Variants in IKBKE observed in about 807,000 individuals in gnomAD.
IKBKE encodes inhibitor of nuclear factor kappa B kinase subunit epsilon.
IKBKE carries 45 observed loss-of-function variants against 92.1 expected under a neutral mutation model. That is an observed-to-expected ratio of 0.49 (90% CI 0.38 to 0.63). The LOEUF is 0.63. Ranked by LOEUF, IKBKE falls within the 20% of genes least tolerant of loss-of-function variation. The pLI, the probability that IKBKE is intolerant of heterozygous loss-of-function variation, is 0.00. For synonymous variants in IKBKE, 374 were observed against 380.3 expected (o/e 0.98, Z 0.19); for missense variants, 700 against 932.8 (o/e 0.75, Z 3.25).
Position 206,471,665 on chromosome 1 carries a change from C to A in IKBKE, c.-33+420C>A, listed in dbSNP as rs539839458. Among the ~76,000 whole-genome samples, 3 of 152,330 alleles carry A rather than the reference C, an allele frequency of 2.0e-5. No homozygotes were observed. The South Asian group carries it at 6.2e-4, about 32-fold the overall frequency. ...GCGGGGAAAACCAGACCCACTCATT[C>A]ATGCTGAGCTACTGTGTTGTCTTCA... On this transcript the variant is annotated intron_variant, in intron 2 of 21. Coordinates refer to ENST00000581977, the MANE Select transcript of IKBKE (RefSeq NM_014002.4).
chr1:206,492,649 C>T (rs751560934), intron 18 of IKBKE: 1 of 487,670 alleles, frequency 2.1e-6, no homozygotes, highest in Admixed American at 2.3e-5. Flanking sequence ...AGAATTCACA[C>T]TGGAAATGAG....
At chr1:206,492,564 C>T (rs1666005245) in intron 18 of IKBKE, 1 of 471,820 alleles carries the variant, frequency 2.1e-6, no homozygotes, top group Non-Finnish European at 4.4e-6. Context: ...GAGGGCTGAC[C>T]TCCAACCCCT....
At position 206,476,114 on chromosome 1, in the gene IKBKE, A is replaced by G. The variant is rs1443661284; in HGVS notation, c.359-67A>G. ...GGATGCAAGGACAGCCTTCCCACCA[A>G]GATGAGCCTCAGACACTAGACTGTC... On this transcript the variant is annotated intron_variant, in intron 5 of 21. Transcript: ENST00000581977. This position sits in a 1 kb window ranked among gnomAD's most constrained non-coding sequence, Gnocchi z 5.1. 2.7e-6 allele frequency: 4 copies of G among 1,507,368 alleles called. No homozygotes were observed. The Admixed American group carries it at 7.1e-5, about 27-fold the overall frequency. 93.4% of individuals were successfully genotyped at this position (1,507,368 alleles called of 1,614,324 possible).
At chr1:206,491,963 C>T (rs1452176753) in intron 18 of IKBKE, 19 of 458,648 alleles carry the variant, frequency 4.1e-5, no homozygotes, top group African/African-American at 3.2e-4. Context: ...CTGCCCTATA[C>T]AGTAGATATC....
intron 13 of IKBKE, 104 bp downstream of exon 13, chr1:206,480,637 T>G: frequency 2.3e-6 from 2 of 852,900 alleles, no homozygotes; most frequent in Non-Finnish European, 3.8e-6. Context: ...AAGCCAGGGC[T>G]ACTGCCTTCC....
chr1:206,493,932 C>T lies in IKBKE; in HGVS notation c.2058C>T (p.Leu686=). ...CTGCCTTGGGCAGCATGCAAGAGCT[C>T]TGCGAGGGGATGAAGCTGCTGGCAT... ...RKDLLLHMQE[L]CEGMKLLASD... Residue 686 remains leucine (L), a synonymous_variant, in exon 21 of 22, where the codon CTC becomes CTT. Coordinates refer to ENST00000581977, the MANE Select transcript of IKBKE (RefSeq NM_014002.4). 1 of 1,614,100 alleles carries T rather than the reference C, an allele frequency of 6.2e-7. No homozygotes were observed. Among genetic ancestry groups the T allele is most frequent in the South Asian group, 1.1e-5 (1 of 91,078 alleles).
intron 13 of IKBKE, among the ~76,000 whole-genome samples, chr1:206,482,502 G>A (rs1487439158): frequency 6.6e-6 from 1 of 152,260 alleles, no homozygotes; most frequent in African/African-American, 2.4e-5. Flanking sequence ...CTGTTCCCCT[G>A]TTCTGGCTCT....
intron 13 of IKBKE, among the ~76,000 whole-genome samples, chr1:206,481,805 A>T (rs1435707425): frequency 1.0e-5 from 1 of 97,162 alleles, no homozygotes; most frequent in Non-Finnish European, 1.9e-5. Flanking sequence ...TTTGAGACGG[A>T]GCCTCGCTCT....
chr1:206,482,681 G>A (rs1288066114), intron 13 of IKBKE, among the ~76,000 whole-genome samples: 1 of 152,246 alleles, frequency 6.6e-6, no homozygotes, highest in Non-Finnish European at 1.5e-5. Flanking sequence ...TAGTCTGGGT[G>A]TGGCTCCAGC....
rs1447034305 is a variant in IKBKE, at chr1:206,474,367, A to G, written c.124A>G (p.Thr42Ala). ...GELVAVKVFN[T>A]TSYLRPREVQ... The stretch of plus-strand genomic sequence containing the variant: ...GCTGGTTGCTGTGAAGGTCTTCAAC[A>G]CTACCAGCTACCTGCGGCCCCGCGA... Residue 42 changes from threonine to alanine, a missense_variant, in exon 4 of 22, where the codon ACT becomes GCT. Thr to Ala is a moderately conservative substitution (Grantham distance 58, BLOSUM62 0). Coordinates refer to ENST00000581977, the MANE Select transcript of IKBKE (RefSeq NM_014002.4). 1 of 1,614,014 alleles carries G rather than the reference A, an allele frequency of 6.2e-7. No homozygotes were observed.
intron 21 of IKBKE, 53 bp downstream of exon 21, chr1:206,494,044 G>C: frequency 6.6e-7 from 1 of 1,513,936 alleles, no homozygotes; most frequent in Non-Finnish European, 9.2e-7. Context: ...AGCTACCCTT[G>C]CCTGGGGGTG....
Position 206,485,069 on chromosome 1 carries a change from G to C in IKBKE, c.1500G>C (p.Arg500=), listed in dbSNP as rs1665581411. 1 of 1,613,710 alleles carries C rather than the reference G, an allele frequency of 6.2e-7. No homozygotes were observed. The highest frequency in any genetic ancestry group is 8.5e-7 in the Non-Finnish European group (1 of 1,179,590). The change falls in exon 14 of 22, where the codon CGG becomes CGC. Residue 500 remains arginine (R), a synonymous_variant. Transcript: ENST00000581977. This position sits in a 1 kb window ranked among gnomAD's most constrained non-coding sequence, Gnocchi z 5.0. ...KAAAELRSRL[R]TLAEVLSRCS... ...CTGCAGAACTGAGGTCCAGGCTGCG[G>C]ACTGTGAGTGAGGCTGGAGGGCAAG... is the stretch of plus-strand genomic sequence containing the variant.
chr1:206,473,716 C>G (rs1199852795), intron 3 of IKBKE, among the ~76,000 whole-genome samples: 1 of 152,088 alleles, frequency 6.6e-6, no homozygotes, highest in Admixed American at 6.5e-5. Context: ...GTAATCCCAG[C>G]ACTTTGGGAG....
chr1:206,471,597 C>A (rs1553383863), intron 2 of IKBKE, among the ~76,000 whole-genome samples: 1 of 152,200 alleles, frequency 6.6e-6, no homozygotes, highest in African/African-American at 2.4e-5. Flanking sequence ...TGTGCTCCAA[C>A]CCCAGCCCCA....
chr1:206,483,027 C>T (rs931674302), intron 13 of IKBKE, among the ~76,000 whole-genome samples: 26 of 152,382 alleles, frequency 1.7e-4, no homozygotes, highest in African/African-American at 5.5e-4. Context: ...TTGCCTTTGT[C>T]CCAAAGCTCC....
Position 206,476,289 on chromosome 1 carries a change from C to T in IKBKE, c.467C>T (p.Thr156Ile), listed in dbSNP as rs2103454562. The T allele has an allele frequency of 1.2e-6, 2 of 1,614,126 alleles. No individual in the cohort carries two copies. Among genetic ancestry groups the T allele is most frequent in the Non-Finnish European group, 1.7e-6 (2 of 1,179,998 alleles). The change falls in exon 6 of 22, where the codon ACA becomes ATA. Residue 156 changes from threonine (T) to isoleucine (I), a missense_variant. Physicochemically the swap from Thr to Ile is moderately conservative, Grantham distance 89. Coordinates refer to ENST00000581977, the MANE Select transcript of IKBKE (RefSeq NM_014002.4). This position sits in a 1 kb window ranked among gnomAD's most constrained non-coding sequence, Gnocchi z 5.1. ...GEEGQSIYKL[T>I]DFGAARELDD... Reference sequence around the variant, plus strand: ...GAGGGGCAGAGCATCTACAAGCTGACAGACTTCGGCGCTGCCCGGGAGCTG... The same window carrying T: ...GAGGGGCAGAGCATCTACAAGCTGATAGACTTCGGCGCTGCCCGGGAGCTG...
intron 21 of IKBKE, 29 bp from the exon 22 acceptor site, chr1:206,496,083 G>T: frequency 6.2e-7 from 1 of 1,605,076 alleles, no homozygotes; most frequent in Non-Finnish European, 8.5e-7. Context: ...CAACAGGTGG[G>T]CACTGCTAGC....
chr1:206,495,911 C>T (rs1052479641), intron 21 of IKBKE, among the ~76,000 whole-genome samples: 3 of 152,176 alleles, frequency 2.0e-5, no homozygotes, highest in Non-Finnish European at 4.4e-5. Context: ...TTAGGATTTG[C>T]ATGAGCTTTC....
Position 206,487,804 on chromosome 1 carries a change from C to T in IKBKE, c.1617-110C>T. 1 of 801,004 alleles carries T rather than the reference C, an allele frequency of 1.2e-6. No homozygotes were observed. The allele number at this position is 801,004 out of a possible 1,614,324, so 49.6% of individuals were successfully genotyped here. On this transcript the variant is annotated intron_variant, in intron 15 of 21. Transcript: ENST00000581977. The surrounding 1 kb of genome is among the most constrained non-coding windows in gnomAD (Gnocchi z 5.3). ...CCACTCCCAGACTGATCCCCCAAAA[C>T]TGTGGCTGTGAGGCTCCTCCCCTAT...
Sources: allele counts gnomAD v4.1 joint callset (sites outside exome capture counted in the v4.1 genomes callset), GRCh38; gene constraint gnomAD v4.1.1; non-coding constraint Gnocchi (gnomAD v3.1); transcripts MANE v1.5; gene names NCBI Gene and HGNC (gene_info 2026-07-23, HGNC 2026-07-21).